Variants in TOX observed in about 807,000 individuals in gnomAD.
The protein encoded by TOX is thymocyte selection-associated high mobility group box protein TOX.
A neutral mutation model predicts 53.7 loss-of-function variants in TOX; 11 were observed. The ratio of observed to expected loss-of-function variants is 0.20; its 90% CI spans 0.13 to 0.34. The LOEUF (loss-of-function observed/expected upper bound fraction) is 0.34, where lower values mean the gene tolerates loss of function less well. Ranked by LOEUF, TOX falls within the 10% of genes least tolerant of loss-of-function variation. The pLI is 1.00. For missense variants in TOX, 570 were observed against 664.6 expected (o/e 0.86, Z 1.56); for synonymous variants, 225 against 245.3 (o/e 0.92, Z 0.77).
intron 1 of TOX, among the ~76,000 whole-genome samples, chr8:59,072,387 C>G (rs762230390): frequency 6.6e-6 from 1 of 152,318 alleles, no homozygotes; most frequent in East Asian, 1.9e-4. Context: ...TTTGCCACTG[C>G]TGGACTCCAG....
intron 1 of TOX, among the ~76,000 whole-genome samples, chr8:59,111,727 C>T (rs541431823): frequency 3.3e-5 from 5 of 152,296 alleles, no homozygotes; most frequent in Admixed American, 6.5e-5. Flanking sequence ...AGACAAATAA[C>T]GTGTAAGACC....
intron 7 of TOX, 94 bp from the exon 8 acceptor site, chr8:58,808,363 G>C (rs2129163556): frequency 6.9e-7 from 1 of 1,455,114 alleles, no homozygotes; most frequent in Non-Finnish European, 9.1e-7. Context: ...GACACACTAG[G>C]CCTCTTGCTT....
chr8:59,092,333 T>TATATATAC (rs1804636402), intron 1 of TOX, among the ~76,000 whole-genome samples: 13 of 127,756 alleles, frequency 1.0e-4, no homozygotes, highest in East Asian at 7.1e-4. Flanking sequence ...ATATATTATA[T>TATATATAC]ATTATATATA....
At chr8:58,944,400 T>C (rs1453292929) in intron 2 of TOX, among the ~76,000 whole-genome samples, 1 of 152,246 alleles carries the variant, frequency 6.6e-6, no homozygotes, top group Non-Finnish European at 1.5e-5. Context: ...AATTACTATT[T>C]CAAGTCATTT....
chr8:58,919,250 C>A (rs1387059417), intron 3 of TOX, among the ~76,000 whole-genome samples: 77 of 118,020 alleles, frequency 6.5e-4, no homozygotes, highest in Non-Finnish European at 9.8e-4. Flanking sequence ...ATCGCCAAGT[C>A]AATCCTAAGC....
At chr8:59,031,401 G>A (rs891272064) in intron 1 of TOX, among the ~76,000 whole-genome samples, 63 of 152,178 alleles carry the variant, frequency 4.1e-4, no homozygotes, top group Middle Eastern at 3.2e-3. Flanking sequence ...TTTTATATAA[G>A]ATTCATGTGC....
intron 4 of TOX, among the ~76,000 whole-genome samples, chr8:58,846,852 T>C (rs1585857675): frequency 6.6e-6 from 1 of 152,200 alleles, no homozygotes; most frequent in East Asian, 1.9e-4. Flanking sequence ...ACGTAAAAGA[T>C]TAGACTGTCA....
At chr8:59,074,005 C>T (rs1804248176) in intron 1 of TOX, among the ~76,000 whole-genome samples, 1 of 152,108 alleles carries the variant, frequency 6.6e-6, no homozygotes, top group Non-Finnish European at 1.5e-5. Context: ...CTTGCATTGT[C>T]CAGATAATAA....
chr8:59,003,526 CT>C lies in TOX; in HGVS notation c.103-43519del, dbSNP rs34000129. On this transcript the variant is annotated intron_variant, in intron 1 of 8. Coordinates refer to ENST00000361421, the MANE Select transcript of TOX (RefSeq NM_014729.3). The stretch of plus-strand genomic sequence containing the variant: ...GATTGTGGAAAAGTACAACACAAGA[CT>C]TTTTTTCAACAGTGAAAGACGGGGG... 1.3e-4 allele frequency among the ~76,000 whole-genome samples: 20 copies of C among 152,172 alleles called. No individual in the cohort carries two copies. The East Asian group carries it at 1.7e-3, about 13-fold the overall frequency.
intron 1 of TOX, among the ~76,000 whole-genome samples, chr8:59,064,485 A>G (rs537312206): frequency 6.6e-6 from 1 of 152,374 alleles, no homozygotes; most frequent in East Asian, 1.9e-4. Flanking sequence ...AAGCACATTA[A>G]CCATACTTCA....
chr8:58,999,476 A>G (rs1385693531), intron 1 of TOX, among the ~76,000 whole-genome samples: 1 of 152,222 alleles, frequency 6.6e-6, no homozygotes, highest in African/African-American at 2.4e-5. Flanking sequence ...AGGGTTGTCA[A>G]GACTATTGTA....
At chr8:58,849,908 G>A (rs1397474724) in intron 4 of TOX, among the ~76,000 whole-genome samples, 3 of 152,082 alleles carry the variant, frequency 2.0e-5, no homozygotes, top group Admixed American at 2.0e-4. Flanking sequence ...TCACATTTGG[G>A]TTCAGGTACT....
intron 1 of TOX, among the ~76,000 whole-genome samples, chr8:58,994,413 TGTGTGTGC>T (rs1046520244): frequency 1.3e-4 from 17 of 134,668 alleles, no homozygotes; most frequent in African/African-American, 4.3e-4. Context: ...TGTGTGTGTG[TGTGTGTGC>T]GCGCGCGCAT....
chr8:59,016,092 T>C (rs1441793872), intron 1 of TOX, among the ~76,000 whole-genome samples: 1 of 152,164 alleles, frequency 6.6e-6, no homozygotes, highest in Non-Finnish European at 1.5e-5. Context: ...TTTAGTAAAA[T>C]GTAGTCACTA....
intron 3 of TOX, among the ~76,000 whole-genome samples, chr8:58,880,865 G>T (rs1196452558): frequency 2.6e-5 from 4 of 152,112 alleles, no homozygotes; most frequent in Non-Finnish European, 5.9e-5. Flanking sequence ...TTATCAATTT[G>T]GTTGCATATA....
At chr8:59,006,200 GA>G (rs1813789737) in intron 1 of TOX, among the ~76,000 whole-genome samples, 1 of 152,208 alleles carries the variant, frequency 6.6e-6, no homozygotes, top group Non-Finnish European at 1.5e-5. Flanking sequence ...TTTAGTAAGA[GA>G]AGATGTTTTA....
intron 3 of TOX, among the ~76,000 whole-genome samples, chr8:58,865,038 C>T (rs1229525617): frequency 6.6e-6 from 1 of 152,112 alleles, no homozygotes; most frequent in East Asian, 1.9e-4. Context: ...TAGATGAAGA[C>T]AACTTTTCCC....
intron 5 of TOX, among the ~76,000 whole-genome samples, chr8:58,829,006 C>T (rs752097054): frequency 1.3e-4 from 20 of 152,126 alleles, no homozygotes; most frequent in South Asian, 6.2e-4. Context: ...AACTAGGATG[C>T]GTTTTGCTTT....
intron 2 of TOX, among the ~76,000 whole-genome samples, chr8:58,956,778 G>C (rs2129178166): frequency 6.6e-6 from 1 of 152,200 alleles, no homozygotes; most frequent in Admixed American, 6.5e-5. Context: ...ACCATGCCTG[G>C]CTAATTTTTG....
Sources: gnomAD v4.1 joint callset for allele counts (sites outside exome capture counted in the v4.1 genomes callset) on GRCh38, gnomAD v4.1.1 for gene constraint, MANE v1.5 for transcripts, NCBI Gene and HGNC (gene_info 2026-07-23, HGNC 2026-07-21) for gene names.